The following PLEC variants were observed in gnomAD, a reference collection of about 807,000 sequenced individuals.
The protein encoded by PLEC is hemidesmosomal protein 1.
In PLEC, 216 loss-of-function variants were observed where a neutral mutation model predicts 392.8. The observed-to-expected ratio is 0.55, with a 90% CI of 0.49 to 0.62. The LOEUF (loss-of-function observed/expected upper bound fraction) is 0.62. Ranked by LOEUF, PLEC falls within the 20% of genes least tolerant of loss-of-function variation. The pLI is 0.00. For missense variants in PLEC, 6,863 were observed against 6,563.4 expected, an observed-to-expected ratio of 1.05 and a Z score of -1.58; for synonymous variants, 3,621 against 2,980.6, an observed-to-expected ratio of 1.21 and a Z score of -7.00.
rs1822584989 is a variant in PLEC at position 143,921,306 on chromosome 8, T to C, written c.8515A>G (p.Met2839Val). 2 of 1,613,778 alleles carry C rather than the reference T, an allele frequency of 1.2e-6. No homozygotes were observed. Among genetic ancestry groups the C allele is most frequent in the Admixed American group, 1.7e-5 (1 of 60,008 alleles). Residue 2839 changes from methionine to valine, a missense_variant, in exon 32 of 32, where the codon ATG (methionine) becomes GTG (valine). Met to Val is a conservative substitution (Grantham distance 21, BLOSUM62 1). Transcript: ENST00000345136. ...CTGGGGTCCGCCAGGACGCGGTTCATCTCCTCGTCGAAGTAGCCGCGCCGG... is the reference window on the plus strand; with the variant it reads ...CTGGGGTCCGCCAGGACGCGGTTCACCTCCTCGTCGAAGTAGCCGCGCCGG... ...AYRRGYFDEE[M>V]NRVLADPSDD...
At chr8:143,928,972 T>C in intron 25 of PLEC, 131 bp downstream of exon 25, 1 of 833,894 alleles carries the variant, frequency 1.2e-6, no homozygotes, top group Non-Finnish European at 1.9e-6. Flanking sequence ...CAGCTGGGCC[T>C]CCCGCCTCCT....
At chr8:143,931,217 G>A (rs1351394989) in intron 19 of PLEC, among the ~76,000 whole-genome samples, 1 of 152,176 alleles carries the variant, frequency 6.6e-6, no homozygotes, top group Non-Finnish European at 1.5e-5. Context: ...TGGCTATGGA[G>A]ATGGGGGCGG....
At chr8:143,943,781 T>G (rs1830945842), upstream of PLEC, 5 of 1,611,322 alleles carry the variant, frequency 3.1e-6, no homozygotes, top group Non-Finnish European at 4.2e-6. Context: ...GGGCTTACCT[T>G]GCTCGTCCTG....
In PLEC at chr8:143,919,643, G is replaced by A. The variant is rs370079447; in HGVS notation, c.10178C>T (p.Ala3393Val). 206 of 1,585,434 alleles carry A rather than the reference G, an allele frequency of 1.3e-4. 1 individual carries two copies. Among genetic ancestry groups the A allele is most frequent in the South Asian group, 7.2e-4 (64 of 88,910 alleles). The change falls in exon 32 of 32, where the codon GCG becomes GTG. Residue 3393 changes from alanine (A) to valine (V), a missense_variant. Ala to Val is a moderately conservative substitution (Grantham distance 64). Transcript: ENST00000345136. Reference sequence around the variant, plus strand: ...GGGGTCCACCAGGAAGCCAGTGGCCGCCTGCGCCTCCAGCAGGAGCGCAGC... The same window carrying A: ...GGGGTCCACCAGGAAGCCAGTGGCCACCTGCGCCTCCAGCAGGAGCGCAGC... ...TTAALLLEAQAATGFLVDPVR... is the reference protein window; with the variant it reads ...TTAALLLEAQVATGFLVDPVR...
chr8:143,922,035 C>G lies in PLEC; in HGVS notation c.7786G>C (p.Glu2596Gln), dbSNP rs1822965475. The change falls in exon 32 of 32, where the codon GAG (glutamate) becomes CAG (glutamine). Residue 2596 changes from glutamate (E) to glutamine (Q), a missense_variant. Coordinates refer to ENST00000345136, the MANE Select transcript of PLEC (RefSeq NM_201384.3). Reference protein sequence around the residue: ...LLAEENQRLREQLQLLEEQHR... With the variant: ...LLAEENQRLRQQLQLLEEQHR... The stretch of plus-strand genomic sequence containing the variant: ...TGCTCCTCCAGGAGCTGCAGCTGCT[C>G]ACGCAGCCTCTGGTTCTCCTCAGCC... The G allele has an allele frequency of 5.0e-6, 8 of 1,595,936 alleles. No individual in the cohort carries two copies. The highest frequency in any genetic ancestry group is 6.8e-6 in the Non-Finnish European group (8 of 1,178,982).
chr8:143,929,239 G>A lies in PLEC; in HGVS notation c.3124C>T (p.Arg1042Trp), dbSNP rs367740468. ...EVEGLGKGVA[R>W]LSAEAEKVLA... ...ACCTTCTCGGCCTCGGCAGAGAGCC[G>A]GGCGACCCCCTTGCCCAGCCCCTCC... The change falls in exon 25 of 32, where the codon CGG becomes TGG. Residue 1042 changes from arginine (R) to tryptophan (W), a missense_variant. Coordinates refer to ENST00000345136, the MANE Select transcript of PLEC (RefSeq NM_201384.3). 19 of 1,602,092 alleles carry A rather than the reference G, an allele frequency of 1.2e-5. No individual in the cohort carries two copies. The highest frequency in any genetic ancestry group is 3.3e-5 in the South Asian group (3 of 90,640).
Position 143,925,380 on chromosome 8 carries a change from G to C in PLEC, c.4549C>G (p.Leu1517Val). The stretch of plus-strand genomic sequence containing the variant: ...GCCTCGGCCTTCACGCGCGAGGCCA[G>C]CTCCACCTCCGCCTGCCGCTTACGC... ...SQRKRQAEVE[L>V]ASRVKAEAEA... is the part of the protein sequence containing the mutation. The change falls in exon 31 of 32, where the codon CTG becomes GTG. Residue 1517 changes from leucine (L) to valine (V), a missense_variant. Physicochemically the swap from Leu to Val is conservative, Grantham distance 32. Coordinates refer to ENST00000345136, the MANE Select transcript of PLEC (RefSeq NM_201384.3). The C allele has an allele frequency of 6.4e-7, 1 of 1,572,926 alleles. No homozygotes were observed. The highest frequency in any genetic ancestry group is 8.6e-7 in the Non-Finnish European group (1 of 1,166,962).
At position 143,918,547 on chromosome 8, in the gene PLEC, G is replaced by A. The variant is rs530897932; in HGVS notation, c.11274C>T (p.His3758=). 73 of 1,610,254 alleles carry A rather than the reference G, an allele frequency of 4.5e-5. No homozygotes were observed. Among genetic ancestry groups the A allele is most frequent in the Middle Eastern group, 1.7e-4 (1 of 6,056 alleles). ...VRKGLVGPEL[H]DRLLSAERAV... ...CCCGCTCAGCCGAGAGCAGGCGGTCGTGCAGCTCGGGCCCCACGAGGCCCT... is the reference window on the plus strand; with the variant it reads ...CCCGCTCAGCCGAGAGCAGGCGGTCATGCAGCTCGGGCCCCACGAGGCCCT... Residue 3758 remains histidine, a synonymous_variant, in exon 32 of 32, where the codon CAC becomes CAT. Coordinates refer to ENST00000345136, the MANE Select transcript of PLEC (RefSeq NM_201384.3).
At chr8:143,954,002 C>G (rs563810673), upstream of PLEC, 6 of 1,109,412 alleles carry the variant, frequency 5.4e-6, no homozygotes, top group East Asian at 1.5e-4. The surrounding 1 kb of genome is among the most constrained non-coding windows in gnomAD (Gnocchi z 4.6). Context: ...CTGGGGCACG[C>G]GACCCCGCTA....
rs893804427 is a variant in PLEC at position 143,924,599 on chromosome 8, T to G, written c.5330A>C (p.Glu1777Ala). Reference sequence around the variant, plus strand: ...GGACTTCTCGCTGGTGGAGCGCGACTCCTCCTCAGCCCTCGCCTTGCTGGC... The same window carrying G: ...GGACTTCTCGCTGGTGGAGCGCGACGCCTCCTCAGCCCTCGCCTTGCTGGC... The part of the protein sequence containing the change: ...LLASKARAEE[E>A]SRSTSEKSKQ... The change falls in exon 31 of 32, where the codon GAG becomes GCG. Residue 1777 changes from glutamate (E) to alanine (A), a missense_variant. Physicochemically the swap from Glu to Ala is moderately radical, Grantham distance 107 (BLOSUM62 -1). Coordinates refer to ENST00000345136, the MANE Select transcript of PLEC (RefSeq NM_201384.3). 1.7e-5 allele frequency: 27 copies of G among 1,547,060 alleles called. No individual in the cohort carries two copies. The highest frequency in any genetic ancestry group is 2.4e-5 in the East Asian group (1 of 41,548).
intron 28 of PLEC, 59 bp from the exon 29 acceptor site, chr8:143,927,140 C>T: frequency 1.3e-6 from 2 of 1,561,162 alleles, no homozygotes; most frequent in East Asian, 2.2e-5. Flanking sequence ...CCTGCCCAGC[C>T]CCTAAACCCT....
At position 143,924,755 on chromosome 8, in the gene PLEC, C is replaced by T. The variant is rs897427742; in HGVS notation, c.5174G>A (p.Gly1725Glu). Residue 1725 changes from glycine to glutamate, a missense_variant, in exon 31 of 32, where the codon GGG becomes GAG. Gly to Glu is a moderately conservative substitution (Grantham distance 98). Transcript: ENST00000345136. ...CTCCAGCAGCTGCCGCTGCTGCTCCCCCTGCTCCGTCTCGGCCCGCAGCCG... is the reference window on the plus strand; with the variant it reads ...CTCCAGCAGCTGCCGCTGCTGCTCCTCCTGCTCCGTCTCGGCCCGCAGCCG... ...LIRLRAETEQ[G>E]EQQRQLLEEE... The T allele has an allele frequency of 2.0e-6, 3 of 1,534,788 alleles. No individual in the cohort carries two copies. Among genetic ancestry groups the T allele is most frequent in the Non-Finnish European group, 2.6e-6 (3 of 1,146,338 alleles).
rs1828739217 is a variant in PLEC, at chr8:143,935,333, G to C, written c.603-20C>G. 5 of 1,566,096 alleles carry C rather than the reference G, an allele frequency of 3.2e-6. No individual in the cohort carries two copies. Among genetic ancestry groups the C allele is most frequent in the Non-Finnish European group, 4.3e-6 (5 of 1,151,708 alleles). ...AGGGGCCTGGGACAAGCAGGTGGCT[G>C]GTCAGGTGGGTGGGACAAGACCAGC... On this transcript the variant is annotated intron_variant, in intron 6 of 31. Coordinates refer to ENST00000345136, the MANE Select transcript of PLEC (RefSeq NM_201384.3).
upstream of PLEC, chr8:143,943,955 C>T (rs1830995550): frequency 5.7e-6 from 9 of 1,570,760 alleles, no homozygotes; most frequent in South Asian, 6.9e-5. Flanking sequence ...CCAGGCTAGA[C>T]AGCCCCCTCC....
rs781962056 is a variant in PLEC, at chr8:143,923,721, G to GCAGCGTCTGCTGTAGCTCCTGCTC, written c.6184_6207dup (p.Glu2062_Leu2069dup). On this transcript the variant is annotated inframe_insertion, in exon 31 of 32. Transcript: ENST00000345136. Reference sequence around the variant, plus strand: ...TGGTCCAGCACGCTCTGCTCCTGCTGCAGCGTCTGCTGTAGCTCCTGCTCC... The same window carrying GCAGCGTCTGCTGTAGCTCCTGCTC: ...TGGTCCAGCACGCTCTGCTCCTGCTGCAGCGTCTGCTGTAGCTCCTGCTCCAGCGTCTGCTGTAGCTCCTGCTCC... 2 of 1,544,142 alleles carry GCAGCGTCTGCTGTAGCTCCTGCTC rather than the reference G, an allele frequency of 1.3e-6. No homozygotes were observed. Among genetic ancestry groups the GCAGCGTCTGCTGTAGCTCCTGCTC allele is most frequent in the South Asian group, 1.2e-5 (1 of 85,216 alleles).
rs1365229597 is a variant in PLEC, at chr8:143,929,117, G to A, written c.3246C>T (p.Ala1082=). Residue 1082 remains alanine (A), a synonymous_variant, in exon 25 of 32, where the codon GCC becomes GCT. Transcript: ENST00000345136. The part of the protein sequence containing the change: ...GKLEQVRSLS[A]IYLEKLKTIS... ...GGTGCACTCACTTCTCCAGGTAGATGGCAGACAGGCTGCGGACCTGCTCCA... is the reference window on the plus strand; with the variant it reads ...GGTGCACTCACTTCTCCAGGTAGATAGCAGACAGGCTGCGGACCTGCTCCA... 1.9e-6 allele frequency: 3 copies of A among 1,578,950 alleles called. No individual in the cohort carries two copies. Among genetic ancestry groups the A allele is most frequent in the East Asian group, 2.3e-5 (1 of 43,500 alleles).
At chr8:143,932,085 G>T (rs577955981) in intron 17 of PLEC, 45 bp downstream of exon 17, 1 of 1,568,642 alleles carries the variant, frequency 6.4e-7, no homozygotes, top group Admixed American at 1.8e-5. Flanking sequence ...CTGGGGACCC[G>T]GCACGGCCCC....
At position 143,920,455 on chromosome 8, in the gene PLEC, C is replaced by T. The variant is rs926483642; in HGVS notation, c.9366G>A (p.Lys3122=). The T allele has an allele frequency of 1.2e-6, 2 of 1,601,690 alleles. No homozygotes were observed. Among genetic ancestry groups the T allele is most frequent in the Middle Eastern group, 1.7e-4 (1 of 6,040 alleles). Residue 3122 remains lysine, a synonymous_variant, in exon 32 of 32, where the codon AAG becomes AAA. Coordinates refer to ENST00000345136, the MANE Select transcript of PLEC (RefSeq NM_201384.3). ...GGCCCTGCTCCCGGGGAATGAGGCCCTTCTTCAGGGCCTGGAACAGGGAGA... is the reference window on the plus strand; with the variant it reads ...GGCCCTGCTCCCGGGGAATGAGGCCTTTCTTCAGGGCCTGGAACAGGGAGA... The part of the protein sequence containing the change: ...QSVSLFQALK[K]GLIPREQGLR...
In PLEC at chr8:143,929,214, A is replaced by C. The variant is rs782792429; in HGVS notation, c.3149T>G (p.Val1050Gly). Residue 1050 changes from valine (V) to glycine (G), a missense_variant, in exon 25 of 32, where the codon GTC becomes GGC. Physicochemically the swap from Val to Gly is moderately radical, Grantham distance 109 (BLOSUM62 -3). Transcript: ENST00000345136. ...AGGCGATGGCTCTGGTAGGGCCAAG[A>C]CCTTCTCGGCCTCGGCAGAGAGCCG... ...VARLSAEAEK[V>G]LALPEPSPAA... 6.2e-7 allele frequency: 1 copy of C among 1,602,606 alleles called. No individual in the cohort carries two copies. Among genetic ancestry groups the C allele is most frequent in the East Asian group, 2.2e-5 (1 of 44,680 alleles).
Sources: gnomAD v4.1 joint callset for allele counts (sites outside exome capture counted in the v4.1 genomes callset) on GRCh38, gnomAD v4.1.1 for gene constraint, Gnocchi (gnomAD v3.1) non-coding constraint, MANE v1.5 for transcripts, NCBI Gene and HGNC (gene_info 2026-07-23, HGNC 2026-07-21) for gene names.